The following ZFPM1 variants were observed in gnomAD, a reference collection of about 807,000 sequenced individuals.
ZFPM1 encodes the protein zinc finger protein ZFPM1.
A neutral mutation model predicts 46.3 loss-of-function variants in ZFPM1; 28 were observed. That is an observed-to-expected ratio of 0.60 (90% CI 0.45 to 0.83). ZFPM1 has a LOEUF of 0.83. ZFPM1 is among the 40% of genes least tolerant of loss of function. The pLI is 0.00. For missense variants in ZFPM1, 1,878 were observed against 1,432.4 expected, an observed-to-expected ratio of 1.31 and a Z score of -5.02; for synonymous variants, 957 against 675.9, an observed-to-expected ratio of 1.42 and a Z score of -6.45.
At chr16:88,456,345 T>TG (rs993449862) in intron 1 of ZFPM1, among the ~76,000 whole-genome samples, 2 of 152,064 alleles carry the variant, frequency 1.3e-5, no homozygotes, top group Non-Finnish European at 2.9e-5. Context: ...ATGCTGGTGT[T>TG]GCTGGTAGTT....
chr16:88,534,266 C>T lies in ZFPM1; in HGVS notation c.2308C>T (p.Arg770Trp). 5 of 1,100,632 alleles carry T rather than the reference C, an allele frequency of 4.5e-6. No individual in the cohort carries two copies. Among genetic ancestry groups the T allele is most frequent in the Non-Finnish European group, 5.5e-6 (5 of 908,178 alleles). 68.2% of individuals were successfully genotyped at this position (1,100,632 alleles called of 1,614,324 possible). The change falls in exon 10 of 10, where the codon CGG becomes TGG. Residue 770 changes from arginine to tryptophan, a missense_variant. Coordinates refer to ENST00000319555, the MANE Select transcript of ZFPM1 (RefSeq NM_153813.3). ...PGHAPAPESP[R>W]PGSGSGSGPG... The stretch of plus-strand genomic sequence containing the variant: ...CCACGCCCCCGCGCCCGAGTCGCCG[C>T]GGCCCGGAAGCGGAAGCGGAAGCGG...
intron 4 of ZFPM1, among the ~76,000 whole-genome samples, chr16:88,518,439 C>G (rs1473688564): frequency 1.1e-4 from 14 of 132,266 alleles, no homozygotes; most frequent in Admixed American, 8.9e-4. Flanking sequence ...TGGGTGGATG[C>G]ATGGATAGAT....
In ZFPM1 at chr16:88,534,115, G is replaced by C. The variant is rs1913056734; in HGVS notation, c.2157G>C (p.Ala719=). The C allele has an allele frequency of 1.8e-6, 2 of 1,128,238 alleles. No individual in the cohort carries two copies. The highest frequency in any genetic ancestry group is 2.2e-6 in the Non-Finnish European group (2 of 900,172). 69.9% of individuals were successfully genotyped at this position (1,128,238 alleles called of 1,614,324 possible). A position where few individuals can be genotyped will look rare whatever the true frequency, so the allele number is the denominator to read the frequency against. ...ACCCGCCGCCGCGCCGACCGGCCGC[G>C]CCCCCGGGACCCCCTGGGCCGGCCG... ...RHDPPPRRPA[A]PPGPPGPAAP... is the part of the protein sequence containing the mutation. The change falls in exon 10 of 10, where the codon GCG becomes GCC. Residue 719 remains alanine, a synonymous_variant. Coordinates refer to ENST00000319555, the MANE Select transcript of ZFPM1 (RefSeq NM_153813.3).
At chr16:88,524,653 G>A (rs993691093) in intron 4 of ZFPM1, among the ~76,000 whole-genome samples, 1 of 152,256 alleles carries the variant, frequency 6.6e-6, no homozygotes, top group African/African-American at 2.4e-5. Context: ...CTGGGAACCT[G>A]CCAGGCAGGC....
At chr16:88,477,127 A>C (rs563776558) in intron 1 of ZFPM1, among the ~76,000 whole-genome samples, 1 of 152,360 alleles carries the variant, frequency 6.6e-6, no homozygotes, top group Admixed American at 6.5e-5. Flanking sequence ...GGAAATTGGA[A>C]CATGGACATA....
intron 1 of ZFPM1, among the ~76,000 whole-genome samples, chr16:88,483,109 G>A (rs1268513267): frequency 5.9e-5 from 9 of 152,158 alleles, no homozygotes; most frequent in Admixed American, 5.9e-4. Context: ...GCCTGGGGCT[G>A]GCTCCTGTGT....
chr16:88,452,407 T>C (rs1446470089), upstream of ZFPM1, among the ~76,000 whole-genome samples: 1 of 152,164 alleles, frequency 6.6e-6, no homozygotes, highest in Non-Finnish European at 1.5e-5. Flanking sequence ...GTGGGTCTCC[T>C]GCGGGGCGCC....
chr16:88,456,006 C>T (rs1907542580), intron 1 of ZFPM1, among the ~76,000 whole-genome samples: 1 of 152,164 alleles, frequency 6.6e-6, no homozygotes, highest in African/African-American at 2.4e-5. Flanking sequence ...CTTTGGCCAC[C>T]AGGCCCGGCC....
At chr16:88,506,665 C>T (rs954053905) in intron 3 of ZFPM1, among the ~76,000 whole-genome samples, 7 of 152,072 alleles carry the variant, frequency 4.6e-5, no homozygotes, top group Non-Finnish European at 8.8e-5. Context: ...CAAAGCTGAT[C>T]CATTTCTCTA....
At chr16:88,489,896 G>C (rs1187647262) in intron 3 of ZFPM1, among the ~76,000 whole-genome samples, 1 of 152,074 alleles carries the variant, frequency 6.6e-6, no homozygotes, top group Non-Finnish European at 1.5e-5. Context: ...GAATCCCAGG[G>C]CTGCCTGGCC....
intron 7 of ZFPM1, 51 bp downstream of exon 7, chr16:88,532,286 C>T (rs1567556387): frequency 3.3e-6 from 5 of 1,507,228 alleles, no homozygotes. Context: ...TGCTTCCCCA[C>T]CCAGTCCCGC....
intron 1 of ZFPM1, among the ~76,000 whole-genome samples, chr16:88,467,834 G>A (rs1405843848): frequency 6.6e-6 from 1 of 152,122 alleles, no homozygotes; most frequent in Non-Finnish European, 1.5e-5. Flanking sequence ...CGAAAAAGAA[G>A]AAAAGAGAAC....
At chr16:88,521,217 T>C (rs1435033745) in intron 4 of ZFPM1, among the ~76,000 whole-genome samples, 2 of 151,248 alleles carry the variant, frequency 1.3e-5, no homozygotes, top group African/African-American at 4.9e-5. Flanking sequence ...CCACTGCCAC[T>C]CCATGCTGTT....
At chr16:88,511,100 C>G (rs1910934040) in intron 3 of ZFPM1, among the ~76,000 whole-genome samples, 1 of 152,158 alleles carries the variant, frequency 6.6e-6, no homozygotes. Flanking sequence ...GGCAGAAAGA[C>G]CAGTCACAGG....
rs1056865018 is a variant in ZFPM1, at chr16:88,486,454, C to T, written c.145+411C>T. Among the ~76,000 whole-genome samples the T allele has an allele frequency of 1.4e-4, 22 of 152,278 alleles. No individual in the cohort carries two copies. The South Asian group carries it at 4.6e-3, about 32-fold the overall frequency. ...TGGCATGCTGCTTGGGCTGAGTGCA[C>T]AGTGGGTGCTGGGTGCAAGTGGGTG... On this transcript the variant is annotated intron_variant, in intron 2 of 9. Transcript: ENST00000319555.
intron 1 of ZFPM1, among the ~76,000 whole-genome samples, chr16:88,464,706 G>T (rs557096143): frequency 6.6e-6 from 1 of 152,402 alleles, no homozygotes; most frequent in East Asian, 1.9e-4. Context: ...CTGCGGCCTG[G>T]TCCGCCCTGC....
chr16:88,473,865 C>T (rs1397632945), intron 1 of ZFPM1, among the ~76,000 whole-genome samples: 2 of 152,228 alleles, frequency 1.3e-5, no homozygotes, highest in Non-Finnish European at 2.9e-5. Flanking sequence ...CCCCACGCGG[C>T]CTCGCCACCC....
At chr16:88,453,165 G>A (rs1234116959), upstream of ZFPM1, among the ~76,000 whole-genome samples, 1 of 147,994 alleles carries the variant, frequency 6.8e-6, no homozygotes, top group Admixed American at 6.7e-5. Context: ...GCTGGGGGCG[G>A]AGCCGGAGAG....
At chr16:88,521,368 G>A (rs970727521) in intron 4 of ZFPM1, among the ~76,000 whole-genome samples, 2 of 151,928 alleles carry the variant, frequency 1.3e-5, no homozygotes, top group Non-Finnish European at 2.9e-5. Context: ...CAGGCTCTGG[G>A]GCTCCCTGCA....
Sources: gnomAD v4.1 joint callset for allele counts (sites outside exome capture counted in the v4.1 genomes callset) on GRCh38, gnomAD v4.1.1 for gene constraint, MANE v1.5 for transcripts, NCBI Gene and HGNC (gene_info 2026-07-23, HGNC 2026-07-21) for gene names.